The following KDM4B variants were observed in gnomAD, a reference collection of about 807,000 sequenced individuals.
The protein encoded by KDM4B is lysine-specific demethylase 4B.
KDM4B carries 32 observed loss-of-function variants against 125.2 expected under a neutral mutation model. That is an observed-to-expected ratio of 0.26 (90% CI 0.19 to 0.34). KDM4B has a LOEUF of 0.34. Ranked by LOEUF, KDM4B falls within the 10% of genes least tolerant of loss-of-function variation. The probability of loss-of-function intolerance (pLI) is 1.00; values close to 1 mark genes in which losing one functional copy is unlikely to be tolerated. For missense variants in KDM4B, 1,190 were observed against 1,577.7 expected, an observed-to-expected ratio of 0.75 and a Z score of 4.16; for synonymous variants, 721 against 677.9, an observed-to-expected ratio of 1.06 and a Z score of -0.99.
At chr19:5,119,217 G>A (rs758860426) in intron 10 of KDM4B, 4 of 1,527,244 alleles carry the variant, frequency 2.6e-6, no homozygotes, top group Non-Finnish European at 3.5e-6. Context: ...GGCCGGGGCT[G>A]TCGTAAGTGT....
In KDM4B at chr19:5,121,399, C is replaced by G. The variant is rs551874866; in HGVS notation, c.1315+1547C>G. On this transcript the variant is annotated intron_variant, in intron 11 of 22. Coordinates refer to ENST00000159111, the MANE Select transcript of KDM4B (RefSeq NM_015015.3). ...TCGTGGGTAGAAGAGAAAAGCACAG[C>G]TGTCGTGGCACTGTTATTATGTAGC... 1.8e-4 allele frequency among the ~76,000 whole-genome samples: 27 copies of G among 152,328 alleles called. No individual in the cohort carries two copies. The South Asian group carries it at 3.1e-3, about 18-fold the overall frequency.
chr19:4,975,784 G>T (rs2034424733), intron 1 of KDM4B, among the ~76,000 whole-genome samples: 1 of 151,382 alleles, frequency 6.6e-6, no homozygotes, highest in Non-Finnish European at 1.5e-5. Flanking sequence ...GTAGAGATGG[G>T]ATTGCGCCAT....
intron 11 of KDM4B, among the ~76,000 whole-genome samples, chr19:5,124,566 C>T (rs1026881539): frequency 6.6e-6 from 1 of 152,186 alleles, no homozygotes; most frequent in African/African-American, 2.4e-5. Flanking sequence ...TTGTTTTACC[C>T]AACTGGCTAG....
chr19:5,061,839 A>AT (rs924650774), intron 6 of KDM4B, among the ~76,000 whole-genome samples: 2 of 151,816 alleles, frequency 1.3e-5, no homozygotes, highest in African/African-American at 4.8e-5. Context: ...AAAAAAAAAA[A>AT]ACAAAAAACA....
chr19:5,138,335 G>A, intron 18 of KDM4B: 1 of 503,532 alleles, frequency 2.0e-6, no homozygotes. Flanking sequence ...GGCCTTGGGG[G>A]CATCCTCTGC....
chr19:5,129,498 C>T (rs535761591), intron 11 of KDM4B, among the ~76,000 whole-genome samples: 9 of 152,312 alleles, frequency 5.9e-5, no homozygotes, highest in Admixed American at 1.3e-4. Flanking sequence ...AACCAGACCC[C>T]GTTAAGTGCC....
intron 6 of KDM4B, among the ~76,000 whole-genome samples, chr19:5,056,176 T>C (rs561691156): frequency 5.3e-5 from 8 of 152,152 alleles, no homozygotes; most frequent in Non-Finnish European, 1.2e-4. Flanking sequence ...TGTGGTTAGA[T>C]TGGGGTGATG....
intron 6 of KDM4B, among the ~76,000 whole-genome samples, chr19:5,068,002 C>A (rs538551807): frequency 6.6e-6 from 1 of 152,118 alleles, no homozygotes; most frequent in African/African-American, 2.4e-5. Flanking sequence ...TTTACAGCCC[C>A]GAGAAATTGC....
rs2039630506 is a variant in KDM4B, at chr19:5,135,379, G to A, written c.2126G>A (p.Gly709Glu). ...AAGGAGGCACCCATAGCCTCCCTCG[G>A]AGAGGGCTGCCCGGCCACATTACCC... is the stretch of plus-strand genomic sequence containing the variant. ...TEKEAPIASL[G>E]EGCPATLPSK... is the part of the protein sequence containing the mutation. Residue 709 changes from glycine (G) to glutamate (E), a missense_variant, in exon 15 of 23, where the codon GGA (glycine) becomes GAA (glutamate). By Grantham distance (98) the Gly-to-Glu change is moderately conservative. This residue lies in a region of KDM4B where 128 missense variants were observed against 137.8 expected (regional missense o/e 0.93). Transcript: ENST00000159111. The A allele has an allele frequency of 6.2e-7, 1 of 1,613,432 alleles. No homozygotes were observed. The highest frequency in any genetic ancestry group is 8.5e-7 in the Non-Finnish European group (1 of 1,179,988).
chr19:5,111,339 C>A (rs191627476), intron 10 of KDM4B: 6 of 752,040 alleles, frequency 8.0e-6, no homozygotes, highest in Non-Finnish European at 1.5e-5. Context: ...AAGGCCGGCC[C>A]CGGGGCGTGA....
intron 1 of KDM4B, among the ~76,000 whole-genome samples, chr19:5,012,308 C>G (rs986363055): frequency 1.3e-5 from 2 of 152,232 alleles, no homozygotes; most frequent in African/African-American, 4.8e-5. Flanking sequence ...TGCCACCCCC[C>G]ACCCGTTTTC....
chr19:5,052,638 C>T (rs1294057181), intron 6 of KDM4B, among the ~76,000 whole-genome samples: 1 of 152,212 alleles, frequency 6.6e-6, no homozygotes, highest in Non-Finnish European at 1.5e-5. Context: ...CAGACACCTC[C>T]CTCCCTCCTG....
chr19:5,088,628 C>A (rs1233327194), intron 9 of KDM4B, among the ~76,000 whole-genome samples: 1 of 151,640 alleles, frequency 6.6e-6, no homozygotes, highest in Non-Finnish European at 1.5e-5. Context: ...CCTGAGGGGG[C>A]CCCTGAGGCT....
At chr19:5,036,668 G>C (rs1337034249) in intron 3 of KDM4B, among the ~76,000 whole-genome samples, 1 of 152,388 alleles carries the variant, frequency 6.6e-6, no homozygotes, top group Non-Finnish European at 1.5e-5. Flanking sequence ...GGCCCCCCAG[G>C]AGCCCCGTGT....
At position 5,081,710 on chromosome 19, in the gene KDM4B, CAT is replaced by C. The variant is rs1403867889; in HGVS notation, c.781-656_781-655del. ...CGGTGTGCAGATATTTCTGGATCTCCATGACTTCATGGAGATCCCCTTGTTGA... is the reference window on the plus strand; with the variant it reads ...CGGTGTGCAGATATTTCTGGATCTCCGACTTCATGGAGATCCCCTTGTTGA... On this transcript the variant is annotated intron_variant, in intron 8 of 22. Coordinates refer to ENST00000159111, the MANE Select transcript of KDM4B (RefSeq NM_015015.3). This position sits in a 1 kb window ranked among gnomAD's most constrained non-coding sequence, Gnocchi z 4.2. Among the ~76,000 whole-genome samples the C allele has an allele frequency of 4.6e-5, 7 of 152,184 alleles. No individual in the cohort carries two copies. Among genetic ancestry groups the C allele is most frequent in the Non-Finnish European group, 1.0e-4 (7 of 68,024 alleles).
intron 18 of KDM4B, among the ~76,000 whole-genome samples, chr19:5,138,680 A>G (rs777829342): frequency 5.3e-5 from 8 of 152,038 alleles, no homozygotes; most frequent in Non-Finnish European, 1.2e-4. Context: ...AATTGTAACA[A>G]TGCTTAGCGT....
chr19:5,129,954 C>T (rs1045493196), intron 11 of KDM4B, among the ~76,000 whole-genome samples: 1 of 152,214 alleles, frequency 6.6e-6, no homozygotes, highest in East Asian at 1.9e-4. Context: ...TCCCACAGCC[C>T]GACACAGAGC....
chr19:5,010,634 A>G (rs1228763378), intron 1 of KDM4B, among the ~76,000 whole-genome samples: 1 of 152,012 alleles, frequency 6.6e-6, no homozygotes, highest in Admixed American at 6.6e-5. Context: ...TTCCCCATTT[A>G]TCAGTTGCAT....
chr19:5,004,898 T>A (rs1043125028), intron 1 of KDM4B, among the ~76,000 whole-genome samples: 6 of 152,086 alleles, frequency 3.9e-5, no homozygotes, highest in Non-Finnish European at 8.8e-5. Flanking sequence ...AAGGCTTTGG[T>A]GCCGGAACCA....
Sources: gnomAD v4.1 joint callset for allele counts (sites outside exome capture counted in the v4.1 genomes callset) on GRCh38, gnomAD v4.1.1 for gene constraint, gnomAD v4.1.1 regional missense constraint, Gnocchi (gnomAD v3.1) non-coding constraint, MANE v1.5 for transcripts, NCBI Gene and HGNC (gene_info 2026-07-23, HGNC 2026-07-21) for gene names.